Variants in EYS observed in about 807,000 individuals in gnomAD.
EYS encodes EGF-like photoreceptor maintenance factor.
EYS carries 250 observed loss-of-function variants against 282.1 expected under a neutral mutation model. The observed-to-expected ratio is 0.89, with a 90% CI of 0.80 to 0.98. EYS has a LOEUF of 0.98. Ranked by LOEUF, EYS falls within the 50% of genes least tolerant of loss-of-function variation. The pLI is 0.00. For synonymous variants in EYS, 1,355 were observed against 1,282.9 expected, an observed-to-expected ratio of 1.06 and a Z score of -1.20; for missense variants, 4,016 against 3,709.0, an observed-to-expected ratio of 1.08 and a Z score of -2.15.
At chr6:64,912,241 G>C (rs1335119345) in intron 16 of EYS, among the ~76,000 whole-genome samples, 4 of 151,610 alleles carry the variant, frequency 2.6e-5, no homozygotes, top group African/African-American at 4.8e-5. Context: ...AAAAAAAAGG[G>C]CCAAAAAGCT....
At chr6:64,607,721 A>C (rs1766980669) in intron 24 of EYS, among the ~76,000 whole-genome samples, 1 of 152,164 alleles carries the variant, frequency 6.6e-6, no homozygotes, top group African/African-American at 2.4e-5. Context: ...GCTCACCAAA[A>C]GAAATCTGAG....
At chr6:64,288,300 T>G (rs796649463) in intron 30 of EYS, among the ~76,000 whole-genome samples, 2 of 152,232 alleles carry the variant, frequency 1.3e-5, no homozygotes, top group African/African-American at 4.8e-5. Context: ...GGTGACAGAC[T>G]CTTTAATATA....
rs376460833 is a variant in EYS at position 64,262,535 on chromosome 6, CTA to C, written c.6192-31713_6192-31712del. On this transcript the variant is annotated intron_variant, in intron 30 of 42. Coordinates refer to ENST00000503581, the MANE Select transcript of EYS (RefSeq NM_001142800.2). The stretch of plus-strand genomic sequence containing the variant: ...TATGAATAGTATGCTTTTTAAGACT[CTA>C]TTTCTATATCATCAATATCTAAGTA... Among the ~76,000 whole-genome samples, 113 of 152,030 alleles carry C rather than the reference CTA, an allele frequency of 7.4e-4. No individual in the cohort carries two copies. The East Asian group carries it at 0.019, about 26-fold the overall frequency.
At chr6:65,295,159 G>T (rs1346337663) in intron 12 of EYS, among the ~76,000 whole-genome samples, 3 of 151,808 alleles carry the variant, frequency 2.0e-5, no homozygotes, top group Non-Finnish European at 4.4e-5. Context: ...AAATAATTTT[G>T]TTTTATAAGT....
At chr6:65,317,294 T>G (rs1769320070) in intron 11 of EYS, among the ~76,000 whole-genome samples, 1 of 152,222 alleles carries the variant, frequency 6.6e-6, no homozygotes, top group Admixed American at 6.5e-5. Context: ...CTCAGTTTAT[T>G]TTCTGGAGTC....
Position 65,693,394 on chromosome 6 carries a change from T to C in EYS, c.-448+13741A>G, listed in dbSNP as rs1769315067. ...AGCCCTCAAAAGCAAACAATCTTCT[T>C]TTTTCCTTTCTTTTTTTTTTTTTTT... On this transcript the variant is annotated intron_variant, in intron 1 of 42. Transcript: ENST00000503581. 3.1e-5 allele frequency among the ~76,000 whole-genome samples: 4 copies of C among 127,406 alleles called. No individual in the cohort carries two copies. The South Asian group carries it at 1.1e-3, about 34-fold the overall frequency. 83.6% of individuals were successfully genotyped at this position (127,406 alleles called of 152,430 possible).
At position 63,979,589 on chromosome 6, in the gene EYS, C is replaced by T. The variant is rs1766997810; in HGVS notation, c.7055+4794G>A. Among the ~76,000 whole-genome samples the T allele has an allele frequency of 1.3e-5, 2 of 151,872 alleles. 1 individual carries two copies. The highest frequency in any genetic ancestry group is 4.8e-5 in the African/African-American group (2 of 41,384). ...AGGGTATATTCCCAAACCTGATGCT[C>T]CTTTTAATTACTGTTTAACTTATTT... On this transcript the variant is annotated intron_variant, in intron 35 of 42. Coordinates refer to ENST00000503581, the MANE Select transcript of EYS (RefSeq NM_001142800.2).
At chr6:65,007,369 A>G (rs1771710963) in intron 13 of EYS, among the ~76,000 whole-genome samples, 1 of 152,138 alleles carries the variant, frequency 6.6e-6, no homozygotes, top group East Asian at 1.9e-4. Flanking sequence ...CTCAGACGCT[A>G]AGAAAGAAAT....
intron 12 of EYS, among the ~76,000 whole-genome samples, chr6:65,204,638 C>A (rs867280455): frequency 6.6e-6 from 1 of 151,686 alleles, no homozygotes; most frequent in African/African-American, 2.4e-5. Flanking sequence ...ATTGAGACTC[C>A]AAGGTTACTA....
At chr6:65,624,127 AATG>A (rs1179430857) in intron 2 of EYS, among the ~76,000 whole-genome samples, 1 of 152,228 alleles carries the variant, frequency 6.6e-6, no homozygotes, top group Non-Finnish European at 1.5e-5. Flanking sequence ...TTTCTAAAAT[AATG>A]ATATTAGGCA....
At chr6:64,660,203 C>T (rs1048528206) in intron 22 of EYS, among the ~76,000 whole-genome samples, 2 of 152,156 alleles carry the variant, frequency 1.3e-5, no homozygotes, top group Admixed American at 1.3e-4. Flanking sequence ...ATGCTAAAAA[C>T]TCTCAATAAA....
At chr6:64,486,704 C>T (rs904378723) in intron 26 of EYS, among the ~76,000 whole-genome samples, 1 of 151,248 alleles carries the variant, frequency 6.6e-6, no homozygotes, top group African/African-American at 2.4e-5. Flanking sequence ...CAAAAGTCAA[C>T]GTAGAATAAT....
At chr6:64,347,171 G>A (rs941814249) in intron 29 of EYS, among the ~76,000 whole-genome samples, 6 of 151,294 alleles carry the variant, frequency 4.0e-5, no homozygotes, top group African/African-American at 1.5e-4. Flanking sequence ...AGAACCTATA[G>A]ATCAAATGAT....
intron 12 of EYS, among the ~76,000 whole-genome samples, chr6:65,228,726 A>G (rs947449837): frequency 6.6e-6 from 1 of 152,054 alleles, no homozygotes; most frequent in African/African-American, 2.4e-5. Context: ...AAATAGTAAT[A>G]CAATTGGAGT....
At chr6:64,174,726 A>G (rs1764577633) in intron 31 of EYS, among the ~76,000 whole-genome samples, 1 of 151,976 alleles carries the variant, frequency 6.6e-6, no homozygotes, top group African/African-American at 2.4e-5. Context: ...TTAGTGTAAA[A>G]GACTTTCATC....
chr6:64,634,695 A>T (rs1184852936), intron 22 of EYS, among the ~76,000 whole-genome samples: 2 of 152,192 alleles, frequency 1.3e-5, no homozygotes, highest in African/African-American at 4.8e-5. Flanking sequence ...AGGATCCCCA[A>T]CCTATTTCAT....
chr6:64,718,864 C>G (rs930072929), intron 22 of EYS, among the ~76,000 whole-genome samples: 1 of 152,196 alleles, frequency 6.6e-6, no homozygotes, highest in African/African-American at 2.4e-5. Flanking sequence ...TATCCACACA[C>G]TAATCTCTGG....
chr6:64,107,311 ATAT>A (rs1773062450), intron 31 of EYS, among the ~76,000 whole-genome samples: 1 of 136,756 alleles, frequency 7.3e-6, no homozygotes, highest in Non-Finnish European at 1.5e-5. Context: ...ATATATATAT[ATAT>A]AAAGGGGAGT....
rs188298491 is a variant in EYS, at chr6:63,984,515, C to T, written c.6923G>A (p.Cys2308Tyr). The change falls in exon 35 of 43, where the codon TGC becomes TAC. Residue 2308 changes from cysteine (C) to tyrosine (Y), a missense_variant. Cys to Tyr is a radical substitution (Grantham distance 194). Coordinates refer to ENST00000503581, the MANE Select transcript of EYS (RefSeq NM_001142800.2). The part of the protein sequence containing the change: ...KAGPVYGFRG[C>Y]ILDLQVNNKE... Reference sequence around the variant, plus strand: ...GTTGTTTACTTGAAGGTCTAGAATGCAGCCCCTGAACCCATAAACAGGACC... The same window carrying T: ...GTTGTTTACTTGAAGGTCTAGAATGTAGCCCCTGAACCCATAAACAGGACC... 1 of 1,549,506 alleles carries T rather than the reference C, an allele frequency of 6.5e-7. No individual in the cohort carries two copies. The highest frequency in any genetic ancestry group is 1.4e-5 in the African/African-American group (1 of 72,926).
Sources: allele counts gnomAD v4.1 joint callset (sites outside exome capture counted in the v4.1 genomes callset), GRCh38; gene constraint gnomAD v4.1.1; transcripts MANE v1.5; gene names NCBI Gene and HGNC (gene_info 2026-07-23, HGNC 2026-07-21).